Variants in CMPK1 observed in about 807,000 individuals in gnomAD.
The protein encoded by CMPK1 is UMP-CMP kinase.
A neutral mutation model predicts 25.7 loss-of-function variants in CMPK1; 10 were observed. The observed-to-expected ratio is 0.39, with a 90% CI of 0.24 to 0.66. The LOEUF (loss-of-function observed/expected upper bound fraction) is 0.66. Ranked by LOEUF, CMPK1 falls within the 30% of genes least tolerant of loss-of-function variation. CMPK1 has a pLI of 0.48. For missense variants in CMPK1, 199 were observed against 280.5 expected (o/e 0.71, Z 2.08); for synonymous variants, 106 against 101.5 (o/e 1.04, Z -0.27).
chr1:47,374,690 A>G (rs1646696296), intron 3 of CMPK1, among the ~76,000 whole-genome samples: 1 of 152,214 alleles, frequency 6.6e-6, no homozygotes, highest in Non-Finnish European at 1.5e-5. Flanking sequence ...TGAGTCATGA[A>G]TGAATTCTTA....
intron 1 of CMPK1, among the ~76,000 whole-genome samples, chr1:47,354,045 T>C (rs973924268): frequency 5.3e-5 from 8 of 152,008 alleles, no homozygotes; most frequent in Non-Finnish European, 8.8e-5. Context: ...GATGTATAGG[T>C]TGGGCATGGT....
chr1:47,350,198 C>T (rs567535311), intron 1 of CMPK1, among the ~76,000 whole-genome samples: 3 of 152,004 alleles, frequency 2.0e-5, no homozygotes, highest in Admixed American at 2.0e-4. Context: ...CTCAGCCTCC[C>T]AAAGTGCTGG....
At chr1:47,347,477 G>A (rs1411995111) in intron 1 of CMPK1, among the ~76,000 whole-genome samples, 2 of 152,128 alleles carry the variant, frequency 1.3e-5, no homozygotes, top group African/African-American at 2.4e-5. Flanking sequence ...CCCAAATGCC[G>A]AGATTACGGG....
In CMPK1 at chr1:47,372,955, G is replaced by C; in HGVS notation, c.319G>C (p.Glu107Gln). 6.3e-7 allele frequency: 1 copy of C among 1,599,556 alleles called. No individual in the cohort carries two copies. The highest frequency in any genetic ancestry group is 8.5e-7 in the Non-Finnish European group (1 of 1,176,500). ...VEITISLLKR[E>Q]MDQTMAANAQ... ...AACCTAAATCTTCTTTTTCCTTTAG[G>C]AAATGGATCAGACAATGGCTGCCAA... The change falls in exon 3 of 6, where the codon GAA becomes CAA. Residue 107 changes from glutamate (E) to glutamine (Q), a missense_variant and splice_region_variant. Transcript: ENST00000371873.
intron 1 of CMPK1, among the ~76,000 whole-genome samples, chr1:47,363,261 T>C (rs376446536): frequency 7.2e-5 from 11 of 152,282 alleles, no homozygotes; most frequent in South Asian, 4.1e-4. Context: ...TTTCACACCA[T>C]TGTAAAGTCG....
At chr1:47,344,954 T>C (rs892109762) in intron 1 of CMPK1, among the ~76,000 whole-genome samples, 3 of 152,108 alleles carry the variant, frequency 2.0e-5, no homozygotes, top group African/African-American at 7.2e-5. Flanking sequence ...TCTGGCTCTG[T>C]TGCTCAGGCT....
chr1:47,342,013 C>T (rs1369887762), intron 1 of CMPK1, among the ~76,000 whole-genome samples: 3 of 152,040 alleles, frequency 2.0e-5, no homozygotes, highest in South Asian at 4.2e-4. Flanking sequence ...TTGGCTCAAG[C>T]GATCCTCCTG....
rs1458937824 is a variant in CMPK1 at position 47,377,427 on chromosome 1, G to C, written c.*682G>C. 2 of 152,082 alleles carry C rather than the reference G, an allele frequency of 1.3e-5. No homozygotes were observed. The highest frequency in any genetic ancestry group is 2.9e-5 in the Non-Finnish European group (2 of 68,026). 9.4% of individuals were successfully genotyped at this position (152,082 alleles called of 1,614,324 possible). A position where few individuals can be genotyped will look rare whatever the true frequency, so the allele number is the denominator to read the frequency against. ...CAGCTTTAGTCTGACATAATCTAAG[G>C]GTATGGGGCAAGGATCACATCTAAT... is the stretch of plus-strand genomic sequence containing the variant. On this transcript the variant is annotated 3_prime_UTR_variant, in exon 6 of 6. Transcript: ENST00000371873.
intron 2 of CMPK1, among the ~76,000 whole-genome samples, chr1:47,371,864 G>A (rs767216969): frequency 2.0e-5 from 3 of 152,170 alleles, no homozygotes; most frequent in Non-Finnish European, 4.4e-5. Context: ...GTCAGAGGCT[G>A]AGTGTATTGT....
At chr1:47,359,565 T>G (rs1364915143) in intron 1 of CMPK1, among the ~76,000 whole-genome samples, 4 of 151,610 alleles carry the variant, frequency 2.6e-5, no homozygotes, top group African/African-American at 4.9e-5. Flanking sequence ...TTTTTTTGTA[T>G]TTTTGTAAAG....
chr1:47,373,387 T>C (rs186563106), intron 3 of CMPK1: 341 of 223,164 alleles, frequency 1.5e-3, no homozygotes, highest in African/African-American at 7.2e-3. Flanking sequence ...TATTAGGTAA[T>C]GAAGCTGAAC....
intron 1 of CMPK1, among the ~76,000 whole-genome samples, chr1:47,362,157 A>G (rs772538979): frequency 7.2e-6 from 1 of 139,860 alleles, no homozygotes; most frequent in African/African-American, 2.7e-5. Context: ...GGCGTGAGCC[A>G]CAGCACCCGG....
At chr1:47,360,052 A>T (rs147916245) in intron 1 of CMPK1, among the ~76,000 whole-genome samples, 2 of 152,184 alleles carry the variant, frequency 1.3e-5, no homozygotes, top group Non-Finnish European at 2.9e-5. Flanking sequence ...TGTAACTTGT[A>T]TGTTCTACAG....
chr1:47,354,781 T>C (rs1316532849), intron 1 of CMPK1, among the ~76,000 whole-genome samples: 1 of 152,108 alleles, frequency 6.6e-6, no homozygotes, highest in Non-Finnish European at 1.5e-5. Context: ...CTGTAAACAT[T>C]CATGTACATA....
At chr1:47,357,877 C>T (rs144121363) in intron 1 of CMPK1, among the ~76,000 whole-genome samples, 155 of 152,178 alleles carry the variant, frequency 1.0e-3, no homozygotes, top group African/African-American at 3.6e-3. Flanking sequence ...TTAGGCCCCA[C>T]GTCCCAACAC....
chr1:47,373,210 T>C, intron 3 of CMPK1, 103 bp downstream of exon 3: 1 of 1,108,450 alleles, frequency 9.0e-7, no homozygotes, highest in South Asian at 1.9e-5. Flanking sequence ...TTGGCAGCAG[T>C]GTTTTTTGAA....
At chr1:47,345,644 C>T (rs564863147) in intron 1 of CMPK1, among the ~76,000 whole-genome samples, 3 of 151,732 alleles carry the variant, frequency 2.0e-5, no homozygotes, top group South Asian at 2.1e-4. Flanking sequence ...CAGGTGCCCA[C>T]CACCACGCCC....
chr1:47,366,007 A>C (rs918816168), intron 1 of CMPK1, among the ~76,000 whole-genome samples: 1 of 152,150 alleles, frequency 6.6e-6, no homozygotes, highest in Admixed American at 6.6e-5. Context: ...CAGCCTGGCC[A>C]ACATGGTAAA....
chr1:47,359,386 CTTTTTTTTT>C (rs71053107), intron 1 of CMPK1, among the ~76,000 whole-genome samples: 1 of 102,742 alleles, frequency 9.7e-6, no homozygotes, highest in East Asian at 2.7e-4. Flanking sequence ...AACCTTTTTT[CTTTTTTTTT>C]TTTTTTTTTT....
Sources: gnomAD v4.1 joint callset for allele counts (sites outside exome capture counted in the v4.1 genomes callset) on GRCh38, gnomAD v4.1.1 for gene constraint, MANE v1.5 for transcripts, NCBI Gene and HGNC (gene_info 2026-07-23, HGNC 2026-07-21) for gene names.